Variants in PRKCA observed in about 807,000 individuals in gnomAD.
The protein encoded by PRKCA is protein kinase C alpha type.
PRKCA carries 27 observed loss-of-function variants against 87.0 expected under a neutral mutation model. The ratio of observed to expected loss-of-function variants is 0.31; its 90% CI spans 0.23 to 0.43. The LOEUF (loss-of-function observed/expected upper bound fraction) is 0.43, where lower values mean the gene tolerates loss of function less well. Ranked by LOEUF, PRKCA falls within the 20% of genes least tolerant of loss-of-function variation. The probability of loss-of-function intolerance (pLI) is 1.00; values close to 1 mark genes in which losing one functional copy is unlikely to be tolerated. For synonymous variants in PRKCA, 329 were observed against 311.1 expected (o/e 1.06, Z -0.61); for missense variants, 518 against 852.3 (o/e 0.61, Z 4.88).
chr17:66,737,140 C>A (rs574020367), intron 10 of PRKCA, among the ~76,000 whole-genome samples: 1 of 148,844 alleles, frequency 6.7e-6, no homozygotes, highest in Non-Finnish European at 1.5e-5. Flanking sequence ...ATCACGAGAT[C>A]AGGAGATCGA....
chr17:66,571,979 C>T (rs1364296578), intron 3 of PRKCA, among the ~76,000 whole-genome samples: 1 of 152,138 alleles, frequency 6.6e-6, no homozygotes, highest in African/African-American at 2.4e-5. Flanking sequence ...CCGTATAATT[C>T]CGTCTGACGT....
rs1265567345 is a variant in PRKCA at position 66,429,036 on chromosome 17, G to T, written c.206-67165G>T. Among the ~76,000 whole-genome samples, 7 of 152,258 alleles carry T rather than the reference G, an allele frequency of 4.6e-5. No homozygotes were observed. In the East Asian group the frequency reaches 1.3e-3, roughly 29 times the overall value. On this transcript the variant is annotated intron_variant, in intron 2 of 16. Coordinates refer to ENST00000413366, the MANE Select transcript of PRKCA (RefSeq NM_002737.3). The stretch of plus-strand genomic sequence containing the variant: ...TTGGAAGATCTTTGGGGGTGATAAA[G>T]AACACCTTTTTTGTCAGCAGGAGAT...
chr17:66,472,857 C>CTT (rs149554922), intron 2 of PRKCA, among the ~76,000 whole-genome samples: 8 of 152,014 alleles, frequency 5.3e-5, no homozygotes, highest in African/African-American at 1.9e-4. Context: ...GAGACCATAG[C>CTT]TTTTTTTGCC....
chr17:66,687,095 C>A lies in PRKCA; in HGVS notation c.530-16C>A. 1 of 1,595,888 alleles carries A rather than the reference C, an allele frequency of 6.3e-7. No individual in the cohort carries two copies. The highest frequency in any genetic ancestry group is 8.6e-7 in the Non-Finnish European group (1 of 1,167,606). Reference sequence around the variant, plus strand: ...TGTTCTCTTTTTGTAATATTTTCTTCCTTCTCTCTTCACAGTACGAGATGC... The same window carrying A: ...TGTTCTCTTTTTGTAATATTTTCTTACTTCTCTCTTCACAGTACGAGATGC... On this transcript the variant is annotated splice_polypyrimidine_tract_variant and intron_variant, in intron 5 of 16. Transcript: ENST00000413366.
chr17:66,757,213 G>C (rs1390000109), intron 13 of PRKCA, among the ~76,000 whole-genome samples: 6 of 135,876 alleles, frequency 4.4e-5, no homozygotes, highest in African/African-American at 1.6e-4. Context: ...AAACGGAAAA[G>C]CAAAGACTGA....
chr17:66,671,753 C>T (rs373860007), intron 5 of PRKCA, among the ~76,000 whole-genome samples: 5 of 152,200 alleles, frequency 3.3e-5, no homozygotes, highest in East Asian at 3.8e-4. Flanking sequence ...AAAGCCGAGT[C>T]GGGGGCTTGT....
chr17:66,404,777 C>T (rs532184672), intron 2 of PRKCA, among the ~76,000 whole-genome samples: 35 of 31,670 alleles, frequency 1.1e-3, no homozygotes, highest in Non-Finnish European at 2.2e-3. Context: ...TTTGAGACAG[C>T]GTTTCACTCT....
intron 2 of PRKCA, among the ~76,000 whole-genome samples, chr17:66,394,815 G>A (rs1042874806): frequency 6.6e-6 from 1 of 152,102 alleles, no homozygotes; most frequent in Non-Finnish European, 1.5e-5. Context: ...CCCCTGCTGG[G>A]CTCTTCTCCT....
chr17:66,404,559 G>A (rs1911234959), intron 2 of PRKCA, among the ~76,000 whole-genome samples: 1 of 152,008 alleles, frequency 6.6e-6, no homozygotes, highest in Non-Finnish European at 1.5e-5. Context: ...TTGTCCCTTA[G>A]TCCTTAGCAA....
intron 2 of PRKCA, among the ~76,000 whole-genome samples, chr17:66,346,386 C>G (rs1282279270): frequency 6.6e-6 from 1 of 151,050 alleles, no homozygotes. Context: ...CCTGAGCCAC[C>G]ACGCCCTGCT....
intron 10 of PRKCA, among the ~76,000 whole-genome samples, chr17:66,737,350 A>G (rs1016009872): frequency 5.9e-5 from 9 of 152,020 alleles, no homozygotes; most frequent in African/African-American, 9.7e-5. Context: ...GCAACAGAGC[A>G]AGACTCTGTC....
At chr17:66,696,952 C>T (rs1327816527) in intron 8 of PRKCA, among the ~76,000 whole-genome samples, 1 of 152,190 alleles carries the variant, frequency 6.6e-6, no homozygotes, top group Non-Finnish European at 1.5e-5. Context: ...GCTAATGCCA[C>T]CTTGGCCTGA....
chr17:66,435,713 C>G (rs1018980325), intron 2 of PRKCA, among the ~76,000 whole-genome samples: 5 of 152,094 alleles, frequency 3.3e-5, no homozygotes, highest in African/African-American at 4.8e-5. Context: ...AGTGCGAAGT[C>G]TATGGGGCGG....
At chr17:66,414,118 G>GAACT (rs776084914) in intron 2 of PRKCA, among the ~76,000 whole-genome samples, 33 of 152,128 alleles carry the variant, frequency 2.2e-4, no homozygotes, top group Non-Finnish European at 4.1e-4. Context: ...TCTACATCAG[G>GAACT]AACTAAATGT....
At chr17:66,458,749 G>A (rs1331703079) in intron 2 of PRKCA, among the ~76,000 whole-genome samples, 14 of 152,110 alleles carry the variant, frequency 9.2e-5, no homozygotes, top group Admixed American at 9.2e-4. Context: ...CTAAACTGCT[G>A]GGATTACAGG....
intron 3 of PRKCA, among the ~76,000 whole-genome samples, chr17:66,635,356 A>T (rs1017590236): frequency 1.3e-5 from 2 of 152,158 alleles, no homozygotes; most frequent in African/African-American, 2.4e-5. Context: ...TTATCTGTCC[A>T]TCCAGGTCAC....
chr17:66,752,742 G>A (rs4293414), intron 13 of PRKCA, among the ~76,000 whole-genome samples: 55,498 of 152,078 alleles, frequency 0.36, 10,439 homozygotes, highest in East Asian at 0.62. Context: ...ATTGGCCAAC[G>A]CCACATGGGT....
At chr17:66,652,406 G>A (rs1971612163) in intron 5 of PRKCA, among the ~76,000 whole-genome samples, 1 of 152,170 alleles carries the variant, frequency 6.6e-6, no homozygotes, top group African/African-American at 2.4e-5. Context: ...GTATTTTAGA[G>A]AATGTTTTTG....
At chr17:66,799,334 ATGGTGGTGGTGG>A (rs1193535780) in intron 16 of PRKCA, among the ~76,000 whole-genome samples, 1 of 1,082 alleles carries the variant, frequency 9.2e-4, no homozygotes, top group Non-Finnish European at 1.4e-3. Flanking sequence ...GGTGGTGGTG[ATGGTGGTGGTGG>A]TGGTGGTGGT....
Sources: allele counts gnomAD v4.1 joint callset (sites outside exome capture counted in the v4.1 genomes callset), GRCh38; gene constraint gnomAD v4.1.1; transcripts MANE v1.5; gene names NCBI Gene and HGNC (gene_info 2026-07-23, HGNC 2026-07-21).